Variants in OTOF observed in about 807,000 individuals in gnomAD.
The protein encoded by OTOF is fer-1-like family member 2.
A neutral mutation model predicts 236.8 loss-of-function variants in OTOF; 218 were observed. The observed-to-expected ratio is 0.92, with a 90% confidence interval of 0.82 to 1.03. OTOF has a LOEUF of 1.03. OTOF is among the 50% of genes least tolerant of loss of function. The probability of loss-of-function intolerance (pLI) is 0.00; values close to 1 mark genes in which losing one functional copy is unlikely to be tolerated. For synonymous variants in OTOF, 1,041 were observed against 1,072.5 expected (o/e 0.97, Z 0.57); for missense variants, 2,590 against 2,694.4 (o/e 0.96, Z 0.86).
intron 5 of OTOF, among the ~76,000 whole-genome samples, chr2:26,511,763 G>C (rs906493365): frequency 6.6e-6 from 1 of 152,236 alleles, no homozygotes; most frequent in Non-Finnish European, 1.5e-5. Context: ...ATCCCAGTGC[G>C]CCCGGCTGCC....
chr2:26,552,170 A>G (rs1667478410), intron 1 of OTOF, among the ~76,000 whole-genome samples: 1 of 151,710 alleles, frequency 6.6e-6, no homozygotes, highest in African/African-American at 2.4e-5. Context: ...CAGGCAGCTC[A>G]CATGAGCCCG....
At chr2:26,506,483 C>T (rs993711967) in intron 5 of OTOF, among the ~76,000 whole-genome samples, 43 of 152,164 alleles carry the variant, frequency 2.8e-4, no homozygotes, top group African/African-American at 9.4e-4. Context: ...CTGGAGAAGC[C>T]GGCTGCCCGG....
At chr2:26,520,576 C>T (rs1007193346) in intron 3 of OTOF, among the ~76,000 whole-genome samples, 5 of 152,162 alleles carry the variant, frequency 3.3e-5, no homozygotes, top group South Asian at 2.1e-4. Context: ...ACTCTAAAGC[C>T]GAACTGGGCT....
At chr2:26,492,233 C>A (rs1357747254) in intron 9 of OTOF, among the ~76,000 whole-genome samples, 1 of 152,112 alleles carries the variant, frequency 6.6e-6, no homozygotes, top group African/African-American at 2.4e-5. Context: ...GTAGCTGTAA[C>A]TAAGGGGAGT....
chr2:26,477,727 T>C lies in OTOF; in HGVS notation c.2237A>G (p.Gln746Arg), dbSNP rs1665387198. The C allele has an allele frequency of 6.2e-7, 1 of 1,612,606 alleles. No individual in the cohort carries two copies. Among genetic ancestry groups the C allele is most frequent in the South Asian group, 1.1e-5 (1 of 91,092 alleles). The change falls in exon 19 of 47, where the codon CAG becomes CGG. Residue 746 changes from glutamine to arginine, a missense_variant. Physicochemically the swap from Gln to Arg is conservative, Grantham distance 43. Around this residue, in one of 2 missense-constraint regions of OTOF, gnomAD observed 1,379 missense variants for 1,341.6 expected, o/e 1.03. Coordinates refer to ENST00000272371, the MANE Select transcript of OTOF (RefSeq NM_194248.3). This position sits in a 1 kb window ranked among gnomAD's most constrained non-coding sequence, Gnocchi z 4.7. ...DKLEEGLNDI[Q>R]EMIKTEKSYP... is the part of the protein sequence containing the mutation. ...GGACTTCTCCGTTTTGATCATCTCC[T>C]GTATGTCGTTCAGGCCTTCTTCCTG...
At position 26,467,394 on chromosome 2, in the gene OTOF, T is replaced by C; in HGVS notation, c.4198A>G (p.Lys1400Glu). 1 of 1,613,806 alleles carries C rather than the reference T, an allele frequency of 6.2e-7. No homozygotes were observed. The highest frequency in any genetic ancestry group is 8.5e-7 in the Non-Finnish European group (1 of 1,179,992). The change falls in exon 34 of 47, where the codon AAG becomes GAG. Residue 1400 changes from lysine to glutamate, a missense_variant. Physicochemically the swap from Lys to Glu is moderately conservative, Grantham distance 56. Coordinates refer to ENST00000272371, the MANE Select transcript of OTOF (RefSeq NM_194248.3). ...GSGQGSEAPE[K>E]KKPKIDELKV... The stretch of plus-strand genomic sequence containing the variant: ...AGCTCATCAATCTTGGGTTTCTTCT[T>C]CTCGGGGGCCTCGGACCCCTGGCCA...
intron 8 of OTOF, among the ~76,000 whole-genome samples, chr2:26,496,596 A>G (rs1198588647): frequency 6.6e-6 from 1 of 152,128 alleles, no homozygotes; most frequent in Non-Finnish European, 1.5e-5. Flanking sequence ...ACAGAGAGAG[A>G]GAGAGCCAGA....
Position 26,476,310 on chromosome 2 carries a change from C to T in OTOF, c.2684G>A (p.Gly895Glu), listed in dbSNP as rs201736328. The T allele has an allele frequency of 1.2e-6, 2 of 1,603,370 alleles. No homozygotes were observed. The highest frequency in any genetic ancestry group is 2.2e-5 in the East Asian group (1 of 44,850). Residue 895 changes from glycine to glutamate, a missense_variant, in exon 23 of 47, where the codon GGG (glycine) becomes GAG (glutamate). By Grantham distance (98) the Gly-to-Glu change is moderately conservative. Around this residue, in one of 2 missense-constraint regions of OTOF, gnomAD observed 1,379 missense variants for 1,341.6 expected, o/e 1.03. Transcript: ENST00000272371. The part of the protein sequence containing the change: ...KVKTLFLKLP[G>E]KRGFGSAGWT... ...GCCTGCCGAGCCGAAGCCCCGCTTC[C>T]CTGGCAGCTGGGGGTGGGCATGGGG...
chr2:26,527,559 C>A (rs1478581586), intron 3 of OTOF, among the ~76,000 whole-genome samples: 1 of 152,156 alleles, frequency 6.6e-6, no homozygotes, highest in East Asian at 1.9e-4. Flanking sequence ...AGACAGGAAG[C>A]TTTGATGGGG....
intron 5 of OTOF, among the ~76,000 whole-genome samples, chr2:26,513,350 T>TGG (rs1268871191): frequency 6.6e-6 from 1 of 152,106 alleles, no homozygotes; most frequent in Non-Finnish European, 1.5e-5. Context: ...AGGGCAGGGC[T>TGG]GGGGGGTGGA....
intron 2 of OTOF, among the ~76,000 whole-genome samples, chr2:26,536,980 A>C (rs4665874): frequency 0.39 from 59,227 of 151,928 alleles, 12,762 homozygotes; most frequent in Admixed American, 0.53. Flanking sequence ...ACCGAGGGGA[A>C]GGGCAGGGAG....
Position 26,470,449 on chromosome 2 carries a change from G to T in OTOF, c.4023+144C>A. The T allele has an allele frequency of 1.2e-6, 1 of 820,446 alleles. No individual in the cohort carries two copies. Among genetic ancestry groups the T allele is most frequent in the Non-Finnish European group, 2.1e-6 (1 of 482,234 alleles). The allele number at this position is 820,446 out of a possible 1,614,324, so 50.8% of individuals were successfully genotyped here. ...TCTTGGAAGGTGAGTTCTGAGCTAGGATTTCAAGGATGTGAGACAAAACCA... is the reference window on the plus strand; with the variant it reads ...TCTTGGAAGGTGAGTTCTGAGCTAGTATTTCAAGGATGTGAGACAAAACCA... On this transcript the variant is annotated intron_variant, in intron 32 of 46. Coordinates refer to ENST00000272371, the MANE Select transcript of OTOF (RefSeq NM_194248.3). This position sits in a 1 kb window ranked among gnomAD's most constrained non-coding sequence, Gnocchi z 4.3.
rs534380791 is a variant in OTOF at position 26,477,746 on chromosome 2, C to T, written c.2218G>A (p.Glu740Lys). The change falls in exon 19 of 47, where the codon GAA becomes AAA. Residue 740 changes from glutamate to lysine, a missense_variant. Physicochemically the swap from Glu to Lys is moderately conservative, Grantham distance 56 (BLOSUM62 1). This residue lies in a region of OTOF where 1,379 missense variants were observed against 1,341.6 expected (regional missense o/e 1.03). Transcript: ENST00000272371. The surrounding 1 kb of genome is among the most constrained non-coding windows in gnomAD (Gnocchi z 4.7). The part of the protein sequence containing the change: ...IMDHIADKLE[E>K]GLNDIQEMIK... ...ATCTCCTGTATGTCGTTCAGGCCTT[C>T]TTCCTGTGAATCAGGAGTGTGGGTG... 6.2e-7 allele frequency: 1 copy of T among 1,612,730 alleles called. No homozygotes were observed. The highest frequency in any genetic ancestry group is 1.3e-5 in the African/African-American group (1 of 75,058).
chr2:26,475,177 C>T (rs112853197), intron 25 of OTOF, among the ~76,000 whole-genome samples, 182 bp downstream of exon 25: 83 of 152,074 alleles, frequency 5.5e-4, no homozygotes, highest in African/African-American at 2.0e-3. Context: ...GTCAGGCTGC[C>T]GCAAGCAGGC....
intron 1 of OTOF, among the ~76,000 whole-genome samples, chr2:26,557,429 A>T (rs559971945): frequency 5.3e-5 from 8 of 152,242 alleles, no homozygotes; most frequent in Non-Finnish European, 1.0e-4. Context: ...GTGGTGAAGG[A>T]CAGAGTCAGC....
In OTOF at chr2:26,470,818, T is replaced by C; in HGVS notation, c.3895-97A>G. On this transcript the variant is annotated intron_variant, in intron 31 of 46. Coordinates refer to ENST00000272371, the MANE Select transcript of OTOF (RefSeq NM_194248.3). This position sits in a 1 kb window ranked among gnomAD's most constrained non-coding sequence, Gnocchi z 4.3. ...TTCCGCCATCTGTCAGCAGGAAGCC[T>C]TGGGCTCCATGAGGCTCTGTGGGGC... The C allele has an allele frequency of 6.4e-7, 1 of 1,553,572 alleles. No homozygotes were observed. Among genetic ancestry groups the C allele is most frequent in the Admixed American group, 1.9e-5 (1 of 52,108 alleles).
intron 46 of OTOF, 65 bp from the exon 47 acceptor site, chr2:26,458,285 C>T: frequency 6.7e-7 from 1 of 1,495,578 alleles, no homozygotes; most frequent in Non-Finnish European, 9.1e-7. Flanking sequence ...TGCACCCCAT[C>T]CTCTGTCCTT....
At chr2:26,510,096 C>A (rs1285423210) in intron 5 of OTOF, among the ~76,000 whole-genome samples, 1 of 152,200 alleles carries the variant, frequency 6.6e-6, no homozygotes, top group African/African-American at 2.4e-5. Flanking sequence ...CAGCCCCTCC[C>A]ACCTGCAGGA....
intron 3 of OTOF, among the ~76,000 whole-genome samples, chr2:26,522,907 A>G (rs1310478903): frequency 6.6e-6 from 1 of 152,222 alleles, no homozygotes. Flanking sequence ...CCCTCACAGG[A>G]GGCTGTCTGG....
Sources: gnomAD v4.1 joint callset for allele counts (sites outside exome capture counted in the v4.1 genomes callset) on GRCh38, gnomAD v4.1.1 for gene constraint, gnomAD v4.1.1 regional missense constraint, Gnocchi (gnomAD v3.1) non-coding constraint, MANE v1.5 for transcripts, NCBI Gene and HGNC (gene_info 2026-07-23, HGNC 2026-07-21) for gene names.